Variants in SMARCC1 observed in about 807,000 individuals in gnomAD.
SMARCC1 encodes SWI/SNF complex subunit SMARCC1.
A neutral mutation model predicts 147.4 loss-of-function variants in SMARCC1; 43 were observed. That is an observed-to-expected ratio of 0.29 (90% confidence interval 0.23 to 0.38). SMARCC1 has a LOEUF of 0.38. Among genes scored for constraint, SMARCC1 ranks in the 10% least tolerant of loss-of-function variants. The pLI is 1.00. For synonymous variants in SMARCC1, 495 were observed against 484.4 expected, an observed-to-expected ratio of 1.02 and a Z score of -0.29; for missense variants, 1,119 against 1,381.1, an observed-to-expected ratio of 0.81 and a Z score of 3.01.
chr3:47,642,325 C>T (rs1466286892), intron 21 of SMARCC1, among the ~76,000 whole-genome samples: 2 of 152,206 alleles, frequency 1.3e-5, no homozygotes, highest in Non-Finnish European at 2.9e-5. Context: ...TGCAGTGGCT[C>T]GGACCTGTAA....
In SMARCC1 at chr3:47,693,246, T is replaced by C. The variant is rs755062519; in HGVS notation, c.1220A>G (p.Asp407Gly). The C allele has an allele frequency of 3.2e-6, 5 of 1,576,514 alleles. No individual in the cohort carries two copies. Among genetic ancestry groups the C allele is most frequent in the African/African-American group, 1.3e-5 (1 of 74,304 alleles). ...NTPVKGGTVA[D>G]LDEQDEETVT... ...TATAGATTTTAGGTGCTTACCTAGA[T>C]CCGCTACAGTTCCTCCTTTAACAGG... Residue 407 changes from aspartate to glycine, a missense_variant, in exon 12 of 28, where the codon GAT becomes GGT. Transcript: ENST00000254480.
At chr3:47,652,788 G>C (rs1341127823) in intron 21 of SMARCC1, among the ~76,000 whole-genome samples, 2 of 151,970 alleles carry the variant, frequency 1.3e-5, no homozygotes, top group Non-Finnish European at 2.9e-5. Flanking sequence ...ATATATAAAT[G>C]TACAGAAATT....
In SMARCC1 at chr3:47,762,959, G is replaced by A. The variant is rs576826128; in HGVS notation, c.315+9858C>T. 5.9e-5 allele frequency among the ~76,000 whole-genome samples: 9 copies of A among 151,912 alleles called. No homozygotes were observed. The East Asian group carries it at 9.7e-4, about 16-fold the overall frequency. On this transcript the variant is annotated intron_variant, in intron 2 of 27. Transcript: ENST00000254480. ...CAGGCACCTGTAGTCCCAGCTACTC[G>A]GGAGGCTGAGGCAGGAGAATTGCTT...
At chr3:47,659,759 A>AGGG (rs1559637270) in intron 21 of SMARCC1, among the ~76,000 whole-genome samples, 8 of 26,044 alleles carry the variant, frequency 3.1e-4, no homozygotes, top group East Asian at 2.1e-3. Flanking sequence ...AGAAAAAAAA[A>AGGG]AGGGGGGGGG....
chr3:47,736,442 G>A (rs545350417), intron 4 of SMARCC1, among the ~76,000 whole-genome samples: 30 of 152,122 alleles, frequency 2.0e-4, no homozygotes, highest in Non-Finnish European at 2.8e-4. Context: ...TTGGGAGGCC[G>A]AGATGGGCGG....
chr3:47,781,068 CCA>C (rs2035040600), intron 1 of SMARCC1, among the ~76,000 whole-genome samples: 1 of 152,164 alleles, frequency 6.6e-6, no homozygotes, highest in Non-Finnish European at 1.5e-5. Flanking sequence ...AACTCTCACG[CCA>C]CACAGAACCA....
chr3:47,676,291 T>C (rs1486202991), intron 17 of SMARCC1, among the ~76,000 whole-genome samples: 2 of 152,154 alleles, frequency 1.3e-5, no homozygotes, highest in African/African-American at 4.8e-5. Flanking sequence ...AGAACACAGA[T>C]TGAAGGAAGG....
chr3:47,680,075 G>A, intron 15 of SMARCC1: 1 of 187,758 alleles, frequency 5.3e-6, no homozygotes, highest in Non-Finnish European at 1.1e-5. Flanking sequence ...ATAAACATCA[G>A]CCAAGTGTGG....
At chr3:47,658,973 C>G (rs2033299972) in intron 21 of SMARCC1, among the ~76,000 whole-genome samples, 1 of 151,860 alleles carries the variant, frequency 6.6e-6, no homozygotes, top group South Asian at 2.1e-4. Flanking sequence ...CAAAAATTAG[C>G]CGGGTGTTGT....
At chr3:47,732,685 C>G (rs981401808) in intron 5 of SMARCC1, among the ~76,000 whole-genome samples, 8 of 152,292 alleles carry the variant, frequency 5.3e-5, no homozygotes, top group Non-Finnish European at 7.4e-5. Flanking sequence ...AGTGGCCAGT[C>G]AGTGAAGAAG....
chr3:47,723,355 GTTTTTTT>G (rs71070218), intron 6 of SMARCC1, among the ~76,000 whole-genome samples: 2 of 106,676 alleles, frequency 1.9e-5, no homozygotes, highest in Non-Finnish European at 3.7e-5. Flanking sequence ...TTTTTGTTGG[GTTTTTTT>G]TTTTTTTTTT....
intron 10 of SMARCC1, among the ~76,000 whole-genome samples, chr3:47,703,489 T>A (rs2033951736): frequency 6.6e-6 from 1 of 152,106 alleles, no homozygotes; most frequent in Non-Finnish European, 1.5e-5. Context: ...AAGAGCAAGA[T>A]CTTGTCTGGC....
At chr3:47,673,817 G>A (rs928401500) in intron 18 of SMARCC1, among the ~76,000 whole-genome samples, 1 of 152,004 alleles carries the variant, frequency 6.6e-6, no homozygotes, top group Non-Finnish European at 1.5e-5. Flanking sequence ...AACCCAAAAG[G>A]CTCCCTCCTT....
Position 47,587,919 on chromosome 3 carries a change from A to G in SMARCC1, c.*290T>C, listed in dbSNP as rs1169818848. The G allele has an allele frequency of 9.8e-6, 4 of 407,160 alleles. No homozygotes were observed. The highest frequency in any genetic ancestry group is 8.8e-6 in the Non-Finnish European group (2 of 227,270). 25.2% of individuals were successfully genotyped at this position (407,160 alleles called of 1,614,324 possible). A position where few individuals can be genotyped will look rare whatever the true frequency, so the allele number is the denominator to read the frequency against. ...GCATGCTAAAGTTGACAGGACCTGC[A>G]GAGAAACTGTCAGCTTACTCCCACA... On this transcript the variant is annotated 3_prime_UTR_variant, in exon 28 of 28. Transcript: ENST00000254480.
intron 27 of SMARCC1, among the ~76,000 whole-genome samples, chr3:47,588,761 A>C (rs904080791): frequency 1.6e-5 from 2 of 126,450 alleles, no homozygotes; most frequent in Non-Finnish European, 3.1e-5. Context: ...ATTATCAATA[A>C]ATTCTTGCTA....
At chr3:47,740,852 A>G (rs1279038256) in intron 3 of SMARCC1, among the ~76,000 whole-genome samples, 2 of 135,666 alleles carry the variant, frequency 1.5e-5, no homozygotes, top group Non-Finnish European at 3.0e-5. Context: ...CTCTGACTCA[A>G]AAAAAAAAAA....
At chr3:47,603,064 T>C (rs967944000) in intron 26 of SMARCC1, among the ~76,000 whole-genome samples, 3 of 152,200 alleles carry the variant, frequency 2.0e-5, no homozygotes, top group African/African-American at 7.2e-5. Flanking sequence ...TCCTTCTAAC[T>C]TAATGATAGG....
intron 26 of SMARCC1, among the ~76,000 whole-genome samples, chr3:47,609,452 G>A (rs549664371): frequency 1.4e-4 from 21 of 151,562 alleles, no homozygotes; most frequent in African/African-American, 4.4e-4. Context: ...AGCCAAGATC[G>A]CGCCACTGCA....
chr3:47,637,279 C>G (rs1314432366), intron 22 of SMARCC1, among the ~76,000 whole-genome samples: 1 of 152,180 alleles, frequency 6.6e-6, no homozygotes, highest in African/African-American at 2.4e-5. Context: ...TAATCAATTT[C>G]ATTATTACCC....
Sources: gnomAD v4.1 joint callset for allele counts (sites outside exome capture counted in the v4.1 genomes callset) on GRCh38, gnomAD v4.1.1 for gene constraint, MANE v1.5 for transcripts, NCBI Gene and HGNC (gene_info 2026-07-23, HGNC 2026-07-21) for gene names.